Variants in ACAP2 observed in about 807,000 individuals in gnomAD.
ACAP2 encodes ArfGAP with coiled-coil, ankyrin repeat and PH domains 2, also known as arf-GAP with coiled-coil, ANK repeat and PH domain-containing protein 2.
A neutral mutation model predicts 115.8 loss-of-function variants in ACAP2; 39 were observed. The observed-to-expected ratio is 0.34, with a 90% CI of 0.26 to 0.44. The LOEUF is 0.44. ACAP2 is among the 20% of genes least tolerant of loss of function. The probability of loss-of-function intolerance (pLI) is 1.00; values close to 1 mark genes in which losing one functional copy is unlikely to be tolerated. For missense variants in ACAP2, 662 were observed against 927.6 expected, an observed-to-expected ratio of 0.71 and a Z score of 3.72; for synonymous variants, 289 against 315.8, an observed-to-expected ratio of 0.92 and a Z score of 0.90.
chr3:195,395,845 G>T (rs1261250132), intron 1 of ACAP2, among the ~76,000 whole-genome samples: 2 of 152,136 alleles, frequency 1.3e-5, no homozygotes, highest in Admixed American at 6.5e-5. Context: ...AATAAGCCCA[G>T]AATTCAGAAA....
chr3:195,322,692 GTAAATA>G (rs1729528884), intron 9 of ACAP2, among the ~76,000 whole-genome samples: 1 of 152,176 alleles, frequency 6.6e-6, no homozygotes, highest in African/African-American at 2.4e-5. Flanking sequence ...TAAGGAAGCA[GTAAATA>G]TAAATATAAT....
intron 4 of ACAP2, among the ~76,000 whole-genome samples, chr3:195,352,073 CAA>C (rs1731646901): frequency 6.6e-6 from 1 of 152,080 alleles, no homozygotes; most frequent in South Asian, 2.1e-4. Context: ...ACATTTTGGT[CAA>C]AGACAGGCCG....
chr3:195,380,943 T>C (rs1156459196), intron 4 of ACAP2, 66 bp downstream of exon 4: 15 of 1,381,868 alleles, frequency 1.1e-5, no homozygotes, highest in Non-Finnish European at 1.4e-5. Context: ...TCATAAAACA[T>C]TGCGACTCAA....
intron 2 of ACAP2, among the ~76,000 whole-genome samples, chr3:195,382,722 G>A (rs1473796069): frequency 6.6e-6 from 1 of 151,998 alleles, no homozygotes; most frequent in Non-Finnish European, 1.5e-5. Context: ...ACTCCTGAAG[G>A]ATCTCAAGAG....
chr3:195,397,578 T>C (rs371719995), intron 1 of ACAP2, among the ~76,000 whole-genome samples: 16 of 151,992 alleles, frequency 1.1e-4, no homozygotes, highest in African/African-American at 3.9e-4. Flanking sequence ...ACAATATCTC[T>C]ATGTTGAGAG....
chr3:195,410,673 T>C (rs1190471331), intron 1 of ACAP2: 1 of 152,716 alleles, frequency 6.5e-6, no homozygotes, highest in African/African-American at 2.4e-5. Context: ...CACTAATCAT[T>C]AGGGAAACAC....
chr3:195,417,307 C>G (rs1288654141), intron 1 of ACAP2, among the ~76,000 whole-genome samples: 1 of 151,812 alleles, frequency 6.6e-6, no homozygotes, highest in South Asian at 2.1e-4. Flanking sequence ...CTGAATGTAC[C>G]ATGCATAACT....
At chr3:195,311,103 G>GTTT (rs35752425) in intron 10 of ACAP2, among the ~76,000 whole-genome samples, 5 of 139,342 alleles carry the variant, frequency 3.6e-5, no homozygotes, top group Non-Finnish European at 4.6e-5. Flanking sequence ...TTTTTTTTTT[G>GTTT]TTTTTTTTTT....
At chr3:195,307,380 T>C in intron 11 of ACAP2, 57 bp from the exon 12 acceptor site, 1 of 1,012,124 alleles carries the variant, frequency 9.9e-7, no homozygotes, top group Non-Finnish European at 1.5e-6. Flanking sequence ...ATACTACCAA[T>C]AATGAAATAC....
Position 195,289,116 on chromosome 3 carries a change from C to T in ACAP2, c.2174+5G>A. The T allele has an allele frequency of 6.2e-7, 1 of 1,601,306 alleles. No individual in the cohort carries two copies. The highest frequency in any genetic ancestry group is 8.5e-7 in the Non-Finnish European group (1 of 1,174,926). ...GAAATAGTCAAGTAAAAAGGAAGTA[C>T]TTACAAGGTGACTATATCAGCATTG... On this transcript the variant is annotated splice_donor_5th_base_variant and intron_variant, in intron 21 of 22. Transcript: ENST00000326793.
At chr3:195,399,341 T>C (rs918116440) in intron 1 of ACAP2, among the ~76,000 whole-genome samples, 1 of 152,196 alleles carries the variant, frequency 6.6e-6, no homozygotes, top group Admixed American at 6.5e-5. Flanking sequence ...AACAGATTTA[T>C]TTTATTTTTT....
chr3:195,384,766 T>G (rs1443908822), intron 2 of ACAP2, among the ~76,000 whole-genome samples: 1 of 152,100 alleles, frequency 6.6e-6, no homozygotes. Context: ...GAGAAACTAG[T>G]TCAGTGCATT....
chr3:195,381,801 T>C, intron 3 of ACAP2, 102 bp downstream of exon 3: 1 of 1,354,526 alleles, frequency 7.4e-7, no homozygotes, highest in Non-Finnish European at 1.0e-6. Context: ...CTTCTAATTT[T>C]AAGTATCACC....
At chr3:195,362,796 A>G (rs369497818) in intron 4 of ACAP2, among the ~76,000 whole-genome samples, 3 of 152,244 alleles carry the variant, frequency 2.0e-5, no homozygotes, top group East Asian at 3.8e-4. Context: ...TGGGTATAGA[A>G]GAAACATACC....
chr3:195,380,380 T>A (rs150964119), intron 4 of ACAP2, among the ~76,000 whole-genome samples: 1,959 of 152,284 alleles, frequency 0.013, 31 homozygotes, highest in African/African-American at 0.043. Context: ...AAGCACTGAT[T>A]AAATAATTAT....
At chr3:195,436,431 G>A (rs2108871258) in intron 1 of ACAP2, among the ~76,000 whole-genome samples, 1 of 152,148 alleles carries the variant, frequency 6.6e-6, no homozygotes, top group South Asian at 2.1e-4. Context: ...ACCATGCCCA[G>A]CCCTCTTATT....
intron 4 of ACAP2, among the ~76,000 whole-genome samples, chr3:195,351,756 C>T (rs1313770956): frequency 2.6e-5 from 4 of 152,176 alleles, no homozygotes; most frequent in Non-Finnish European, 5.9e-5. Flanking sequence ...AGCCACCATG[C>T]CCGGCCTAAA....
At position 195,276,325 on chromosome 3, in the gene ACAP2, C is replaced by G. The variant is rs1180403154; in HGVS notation, c.*3003G>C. On this transcript the variant is annotated 3_prime_UTR_variant, in exon 23 of 23. Transcript: ENST00000326793. ...GTATAAATTAGGCAAACACCATAATCTAATGAATATCAGGAAATTTCTGAG... is the reference window on the plus strand; with the variant it reads ...GTATAAATTAGGCAAACACCATAATGTAATGAATATCAGGAAATTTCTGAG... 1 of 152,142 alleles carries G rather than the reference C, an allele frequency of 6.6e-6. No individual in the cohort carries two copies. The highest frequency in any genetic ancestry group is 1.5e-5 in the Non-Finnish European group (1 of 68,022). 9.4% of individuals were successfully genotyped at this position (152,142 alleles called of 1,614,324 possible).
At chr3:195,377,232 C>T (rs1443370177) in intron 4 of ACAP2, among the ~76,000 whole-genome samples, 2 of 142,686 alleles carry the variant, frequency 1.4e-5, no homozygotes, top group Admixed American at 7.6e-5. Flanking sequence ...GTGGCCCCAA[C>T]TTCCCAGGCT....
Sources: allele counts gnomAD v4.1 joint callset (sites outside exome capture counted in the v4.1 genomes callset), GRCh38; gene constraint gnomAD v4.1.1; transcripts MANE v1.5; gene names NCBI Gene and HGNC (gene_info 2026-07-23, HGNC 2026-07-21).